The following CNOT1 variants were observed in gnomAD, a reference collection of about 807,000 sequenced individuals.
CNOT1 encodes CCR4-NOT transcription complex subunit 1.
CNOT1 carries 15 observed loss-of-function variants against 273.8 expected under a neutral mutation model. The observed-to-expected ratio is 0.05, with a 90% CI of 0.04 to 0.08. CNOT1 has a LOEUF of 0.08. CNOT1 is among the 10% of genes least tolerant of loss of function. CNOT1 has a pLI of 1.00. For missense variants in CNOT1, 1,644 were observed against 2,912.2 expected (o/e 0.56, Z 10.02); for synonymous variants, 1,022 against 1,005.5 (o/e 1.02, Z -0.31).
intron 18 of CNOT1, among the ~76,000 whole-genome samples, chr16:58,557,859 G>A (rs1228485521): frequency 2.0e-5 from 3 of 151,884 alleles, no homozygotes; most frequent in African/African-American, 4.8e-5. Flanking sequence ...GCATGGTGGC[G>A]GGCACCTGTA....
Position 58,546,593 on chromosome 16 carries a change from G to A in CNOT1, c.3828+79C>T, listed in dbSNP as rs372701163. ...TTTCAGTTATTATAGTACTTCCCCC[G>A]AAATACCCTGCCTTCACTGTAAGTT... is the stretch of plus-strand genomic sequence containing the variant. On this transcript the variant is annotated intron_variant, in intron 28 of 48. Transcript: ENST00000317147. 38 of 1,609,060 alleles carry A rather than the reference G, an allele frequency of 2.4e-5. 2 individuals are homozygous for A. Among genetic ancestry groups the A allele is most frequent in the South Asian group, 1.7e-4 (15 of 90,648 alleles).
chr16:58,556,187 T>C (rs533296612), intron 19 of CNOT1, among the ~76,000 whole-genome samples: 1 of 152,366 alleles, frequency 6.6e-6, no homozygotes, highest in Admixed American at 6.5e-5. Context: ...CACTTACCCT[T>C]AATACAACCT....
intron 11 of CNOT1, 112 bp from the exon 12 acceptor site, chr16:58,580,872 C>A: frequency 9.7e-7 from 1 of 1,035,742 alleles, no homozygotes; most frequent in South Asian, 2.0e-5. Flanking sequence ...GGCAATTTCC[C>A]GTTTAAAATC....
chr16:58,587,068 T>G lies in CNOT1; in HGVS notation c.433+133A>C, dbSNP rs931239538. On this transcript the variant is annotated intron_variant, in intron 6 of 48. Transcript: ENST00000317147. Reference sequence around the variant, plus strand: ...ATGAGGGTAACATTTATATTACATGTTTTTTACCACAGATAAAGAGAAATT... The same window carrying G: ...ATGAGGGTAACATTTATATTACATGGTTTTTACCACAGATAAAGAGAAATT... The G allele has an allele frequency of 3.9e-6, 5 of 1,276,954 alleles. No homozygotes were observed. The African/African-American group carries it at 7.5e-5, about 19-fold the overall frequency. 79.1% of individuals were successfully genotyped at this position (1,276,954 alleles called of 1,614,324 possible). A position where few individuals can be genotyped will look rare whatever the true frequency, so the allele number is the denominator to read the frequency against.
chr16:58,543,918 AGG>A lies in CNOT1; in HGVS notation c.4138-17_4138-16del. 6.3e-7 allele frequency: 1 copy of A among 1,583,144 alleles called. No homozygotes were observed. Among genetic ancestry groups the A allele is most frequent in the Non-Finnish European group, 8.6e-7 (1 of 1,162,676 alleles). On this transcript the variant is annotated splice_polypyrimidine_tract_variant and intron_variant, in intron 30 of 48. Transcript: ENST00000317147. Reference sequence around the variant, plus strand: ...AACAAGGGAATCTGGGGGGTTGGGGAGGACAAAGTCAACACCTTGTTTAAATA... The same window carrying A: ...AACAAGGGAATCTGGGGGGTTGGGGAACAAAGTCAACACCTTGTTTAAATA...
intron 9 of CNOT1, 42 bp downstream of exon 9, chr16:58,583,014 A>T: frequency 6.2e-7 from 1 of 1,612,570 alleles, no homozygotes; most frequent in South Asian, 1.1e-5. Context: ...TAAAGAGGAC[A>T]GGACATTAAC....
chr16:58,531,918 G>A (rs2039790131), intron 42 of CNOT1, 40 bp downstream of exon 42: 1 of 1,609,504 alleles, frequency 6.2e-7, no homozygotes, highest in Admixed American at 1.7e-5. Flanking sequence ...AGCCCAGGTA[G>A]TTATAGTCTT....
intron 8 of CNOT1, among the ~76,000 whole-genome samples, chr16:58,584,283 A>G (rs1227205914): frequency 6.6e-6 from 1 of 152,120 alleles, no homozygotes; most frequent in Non-Finnish European, 1.5e-5. Context: ...AGTGAGTTTT[A>G]TTATTCTGAT....
Position 58,523,517 on chromosome 16 carries a change from A to G in CNOT1, c.6785-15T>C. 1 of 1,613,424 alleles carries G rather than the reference A, an allele frequency of 6.2e-7. No homozygotes were observed. The highest frequency in any genetic ancestry group is 8.5e-7 in the Non-Finnish European group (1 of 1,179,636). On this transcript the variant is annotated splice_polypyrimidine_tract_variant and intron_variant, in intron 46 of 48. Coordinates refer to ENST00000317147, the MANE Select transcript of CNOT1 (RefSeq NM_016284.5). Reference sequence around the variant, plus strand: ...GAGATAGCGACCTAGAAATTAAGAAACCTTGACTTAGGACTTAGTCTGAAA... The same window carrying G: ...GAGATAGCGACCTAGAAATTAAGAAGCCTTGACTTAGGACTTAGTCTGAAA...
intron 17 of CNOT1, 150 bp from the exon 18 acceptor site, chr16:58,558,824 A>G: frequency 8.7e-7 from 1 of 1,143,436 alleles, no homozygotes; most frequent in South Asian, 1.6e-5. Flanking sequence ...CCAGTTATCA[A>G]GTCAAGTGTG....
At chr16:58,577,725 T>C (rs765476554) in intron 13 of CNOT1, among the ~76,000 whole-genome samples, 5 of 151,844 alleles carry the variant, frequency 3.3e-5, no homozygotes, top group Non-Finnish European at 7.4e-5. Context: ...TGTGGTCCCA[T>C]CTACTTAGGA....
chr16:58,620,617 C>G (rs2043272081), intron 1 of CNOT1, among the ~76,000 whole-genome samples: 1 of 142,184 alleles, frequency 7.0e-6, no homozygotes, highest in Admixed American at 7.4e-5. Context: ...ACACTACATT[C>G]CAGCCTGGGT....
chr16:58,626,845 A>G (rs2043607396), intron 1 of CNOT1, among the ~76,000 whole-genome samples: 1 of 151,750 alleles, frequency 6.6e-6, no homozygotes, highest in African/African-American at 2.4e-5. Flanking sequence ...TTTTAATTTA[A>G]TTTTCTTTTT....
chr16:58,571,342 G>C (rs1298377137), intron 16 of CNOT1, among the ~76,000 whole-genome samples: 1 of 152,096 alleles, frequency 6.6e-6, no homozygotes, highest in Non-Finnish European at 1.5e-5. Context: ...GATCACCTGA[G>C]GTCAGGAGTT....
chr16:58,543,370 G>A lies in CNOT1; in HGVS notation c.4434+237C>T, dbSNP rs374243439. On this transcript the variant is annotated intron_variant, in intron 31 of 48. Coordinates refer to ENST00000317147, the MANE Select transcript of CNOT1 (RefSeq NM_016284.5). ...ATTTATTTAAACCAACAAATATTTG[G>A]GTATCTACTATCTGTCAAACATCGT... The A allele has an allele frequency of 4.1e-5, 63 of 1,544,088 alleles. 2 individuals carry two copies. Among genetic ancestry groups the A allele is most frequent in the East Asian group, 3.9e-4 (16 of 40,814 alleles).
chr16:58,603,456 T>C (rs1201854503), intron 1 of CNOT1, among the ~76,000 whole-genome samples: 4 of 146,920 alleles, frequency 2.7e-5, no homozygotes, highest in African/African-American at 7.9e-5. Flanking sequence ...TGTGTGTGTG[T>C]GTGTGTCTAA....
chr16:58,609,698 A>T lies in CNOT1; in HGVS notation c.-174-10187T>A, dbSNP rs569058212. ...AGCTGGTCTGGAACTCCTGAGCTCA[A>T]GTAATCCTCCCACCTCAGCCACCCA... is the stretch of plus-strand genomic sequence containing the variant. On this transcript the variant is annotated intron_variant, in intron 1 of 48. Transcript: ENST00000317147. Among the ~76,000 whole-genome samples the T allele has an allele frequency of 3.9e-5, 6 of 152,170 alleles. No homozygotes were observed. In the South Asian group the frequency reaches 8.3e-4, roughly 21 times the overall value.
chr16:58,602,765 TTA>T (rs2042521514), intron 1 of CNOT1, among the ~76,000 whole-genome samples: 2 of 151,610 alleles, frequency 1.3e-5, no homozygotes, highest in African/African-American at 4.8e-5. Flanking sequence ...AAAAATTTTT[TTA>T]AAAAGAAAAA....
At chr16:58,559,769 G>A (rs571875750) in intron 17 of CNOT1, 3 of 500,608 alleles carry the variant, frequency 6.0e-6, no homozygotes, top group East Asian at 5.6e-5. Context: ...CAGAGAGAAG[G>A]GGGTGGTTGA....
Sources: allele counts gnomAD v4.1 joint callset (sites outside exome capture counted in the v4.1 genomes callset), GRCh38; gene constraint gnomAD v4.1.1; transcripts MANE v1.5; gene names NCBI Gene and HGNC (gene_info 2026-07-23, HGNC 2026-07-21).